Variants in ZNF280D observed in about 807,000 individuals in gnomAD.
ZNF280D encodes suppressor of hairy wing homolog 4.
A neutral mutation model predicts 94.7 loss-of-function variants in ZNF280D; 39 were observed. The ratio of observed to expected loss-of-function variants is 0.41; its 90% CI spans 0.32 to 0.54. The LOEUF (loss-of-function observed/expected upper bound fraction) is 0.54. Among genes scored for constraint, ZNF280D ranks in the 20% least tolerant of loss-of-function variants. ZNF280D has a pLI of 0.22. For synonymous variants in ZNF280D, 398 were observed against 377.6 expected, an observed-to-expected ratio of 1.05 and a Z score of -0.63; for missense variants, 1,090 against 1,149.3, an observed-to-expected ratio of 0.95 and a Z score of 0.75.
intron 1 of ZNF280D, among the ~76,000 whole-genome samples, chr15:56,709,793 A>G (rs1259037330): frequency 1.3e-5 from 2 of 152,094 alleles, no homozygotes; most frequent in Admixed American, 6.5e-5. Flanking sequence ...TCACTCATAG[A>G]TGGGAATTGA....
chr15:56,694,293 A>G (rs1265248544), intron 6 of ZNF280D, among the ~76,000 whole-genome samples: 1 of 92,730 alleles, frequency 1.1e-5, no homozygotes, highest in Non-Finnish European at 2.1e-5. Context: ...ATAATGACAC[A>G]TACACACACA....
intron 1 of ZNF280D, among the ~76,000 whole-genome samples, chr15:56,718,824 A>C (rs926076065): frequency 6.6e-6 from 1 of 152,134 alleles, no homozygotes; most frequent in Non-Finnish European, 1.5e-5. Context: ...TCAAGACCCC[A>C]AAAACCCTCC....
chr15:56,678,057 G>T (rs193215936), intron 11 of ZNF280D, among the ~76,000 whole-genome samples: 1 of 151,032 alleles, frequency 6.6e-6, no homozygotes, highest in Admixed American at 6.6e-5. Context: ...ACCCAGGCTG[G>T]AGTGCAATGG....
intron 19 of ZNF280D, among the ~76,000 whole-genome samples, chr15:56,650,810 G>C (rs1187963162): frequency 6.6e-6 from 1 of 151,978 alleles, no homozygotes. Flanking sequence ...ACAGAGGAGG[G>C]GAGAAATGGA....
At chr15:56,644,864 T>C (rs1259817323) in intron 19 of ZNF280D, among the ~76,000 whole-genome samples, 1 of 152,184 alleles carries the variant, frequency 6.6e-6, no homozygotes, top group Non-Finnish European at 1.5e-5. Context: ...AGTAAGTTAT[T>C]GAAATAACTT....
chr15:56,723,758 A>G (rs1596688789), intron 1 of ZNF280D, among the ~76,000 whole-genome samples: 1 of 152,174 alleles, frequency 6.6e-6, no homozygotes, highest in South Asian at 2.1e-4. Context: ...CCTCACACCT[A>G]AAGTGAAATA....
chr15:56,728,034 AT>A (rs66766415), intron 1 of ZNF280D, among the ~76,000 whole-genome samples: 30,518 of 146,228 alleles, frequency 0.21, 4,094 homozygotes, highest in Non-Finnish European at 0.31. Flanking sequence ...TACTTAATAC[AT>A]TTTTTTTTTT....
intron 1 of ZNF280D, among the ~76,000 whole-genome samples, chr15:56,716,723 C>G (rs1458477194): frequency 6.6e-6 from 1 of 152,048 alleles, no homozygotes; most frequent in African/African-American, 2.4e-5. Flanking sequence ...AGAGAGAAGA[C>G]TATTTTACCC....
chr15:56,694,323 AC>A (rs2056610655), intron 6 of ZNF280D, among the ~76,000 whole-genome samples: 1 of 151,722 alleles, frequency 6.6e-6, no homozygotes, highest in African/African-American at 2.4e-5. Context: ...ACACACACAC[AC>A]ACACACACAC....
In ZNF280D at chr15:56,678,680, C is replaced by T. The variant is rs1326570448; in HGVS notation, c.1146G>A (p.Thr382=). Residue 382 remains threonine, a synonymous_variant, in exon 11 of 22, where the codon ACG becomes ACA. Transcript: ENST00000267807. ...GTAACTTACTAGAAAATTCATGGGGCGTATGTGTACTTTCGATGTGACACT... is the reference window on the plus strand; with the variant it reads ...GTAACTTACTAGAAAATTCATGGGGTGTATGTGTACTTTCGATGTGACACT... The part of the protein sequence containing the change: ...QLQCHIESTH[T]PHEFSTICKI... 6.2e-6 allele frequency: 10 copies of T among 1,606,162 alleles called. No homozygotes were observed. The highest frequency in any genetic ancestry group is 2.2e-5 in the East Asian group (1 of 44,654).
intron 20 of ZNF280D, chr15:56,635,631 T>C (rs1286512878): frequency 6.6e-6 from 1 of 152,306 alleles, no homozygotes; most frequent in African/African-American, 2.4e-5. Flanking sequence ...GTATTTTATA[T>C]AAATATATTA....
intron 1 of ZNF280D, among the ~76,000 whole-genome samples, chr15:56,720,989 G>C: frequency 1.4e-5 from 2 of 141,670 alleles, no homozygotes; most frequent in Admixed American, 7.1e-5. Flanking sequence ...GGGGGACAGA[G>C]TCTCGCTCCA....
intron 19 of ZNF280D, among the ~76,000 whole-genome samples, chr15:56,644,073 G>A (rs2052761705): frequency 6.6e-6 from 1 of 151,938 alleles, no homozygotes; most frequent in African/African-American, 2.4e-5. Context: ...TTAACTGTAT[G>A]AAATTACTTA....
intron 13 of ZNF280D, among the ~76,000 whole-genome samples, chr15:56,672,846 G>GT (rs1342590629): frequency 2.7e-4 from 41 of 149,496 alleles, no homozygotes; most frequent in African/African-American, 5.4e-4. Flanking sequence ...TGGATCTTAA[G>GT]TTTTTTTTTT....
intron 20 of ZNF280D, among the ~76,000 whole-genome samples, chr15:56,639,376 A>G (rs1460421023): frequency 6.6e-6 from 1 of 152,010 alleles, no homozygotes; most frequent in Non-Finnish European, 1.5e-5. Flanking sequence ...GAGAACACAG[A>G]AAATAAAAGT....
At chr15:56,690,546 T>C (rs1269376457) in intron 7 of ZNF280D, among the ~76,000 whole-genome samples, 1 of 152,228 alleles carries the variant, frequency 6.6e-6, no homozygotes, top group Non-Finnish European at 1.5e-5. Flanking sequence ...GAACTCTTTT[T>C]TCTTTTATTT....
intron 1 of ZNF280D, chr15:56,729,687 C>G (rs2058794308): frequency 6.6e-6 from 1 of 152,026 alleles, no homozygotes; most frequent in African/African-American, 2.4e-5. Context: ...TGGAAGTTAC[C>G]AAGAAGAAAT....
At chr15:56,732,692 T>A (rs1002911787) in intron 1 of ZNF280D, 7 of 152,178 alleles carry the variant, frequency 4.6e-5, no homozygotes, top group Non-Finnish European at 8.8e-5. Context: ...TTGACGTTTT[T>A]CCTCTCCAGC....
At chr15:56,731,548 A>C (rs2058890971) in intron 1 of ZNF280D, among the ~76,000 whole-genome samples, 2 of 150,574 alleles carry the variant, frequency 1.3e-5, no homozygotes, top group Non-Finnish European at 3.0e-5. Context: ...GGAATTTTGA[A>C]GAAATGGGGG....
Sources: allele counts gnomAD v4.1 joint callset (sites outside exome capture counted in the v4.1 genomes callset), GRCh38; gene constraint gnomAD v4.1.1; transcripts MANE v1.5; gene names NCBI Gene and HGNC (gene_info 2026-07-23, HGNC 2026-07-21).